Variants in DLD observed in about 807,000 individuals in gnomAD.
DLD encodes dihydrolipoyl dehydrogenase, mitochondrial.
In DLD, 36 loss-of-function variants were observed where a neutral mutation model predicts 62.2. The observed-to-expected ratio is 0.58, with a 90% confidence interval of 0.44 to 0.76. The LOEUF (loss-of-function observed/expected upper bound fraction) is 0.76, where lower values mean the gene tolerates loss of function less well. Among genes scored for constraint, DLD ranks in the 30% least tolerant of loss-of-function variants. DLD has a pLI of 0.00. For synonymous variants in DLD, 204 were observed against 199.6 expected (o/e 1.02, Z -0.19); for missense variants, 541 against 608.6 (o/e 0.89, Z 1.17).
intron 8 of DLD, among the ~76,000 whole-genome samples, chr7:107,912,363 T>C (rs2032164498): frequency 6.6e-6 from 1 of 152,162 alleles, no homozygotes; most frequent in African/African-American, 2.4e-5. Flanking sequence ...AATTGCTGGC[T>C]CATATTGTAG....
rs1457188385 is a variant in DLD at position 107,915,657 on chromosome 7, C to G, written c.836C>G (p.Thr279Ser). Residue 279 changes from threonine to serine, a missense_variant, in exon 9 of 14, where the codon ACT (threonine) becomes AGT (serine). Thr to Ser is a moderately conservative substitution (Grantham distance 58, BLOSUM62 1). Coordinates refer to ENST00000205402, the MANE Select transcript of DLD (RefSeq NM_000108.5). ...GFKFKLNTKV[T>S]GATKKSDGKI... ...AAATTTAAATTGAATACAAAGGTTA[C>G]TGGTGCTACCAAGAAGTCAGATGGA... 1 of 1,613,684 alleles carries G rather than the reference C, an allele frequency of 6.2e-7. No individual in the cohort carries two copies. Among genetic ancestry groups the G allele is most frequent in the South Asian group, 1.1e-5 (1 of 91,082 alleles).
intron 8 of DLD, among the ~76,000 whole-genome samples, chr7:107,913,719 T>G (rs138962753): frequency 6.6e-5 from 10 of 152,264 alleles, no homozygotes; most frequent in African/African-American, 2.4e-4. Context: ...GAATGCCCTT[T>G]GTTTCTTTCT....
intron 5 of DLD, 50 bp downstream of exon 5, chr7:107,903,597 C>T: frequency 9.0e-7 from 1 of 1,115,416 alleles, no homozygotes; most frequent in Non-Finnish European, 1.4e-6. Context: ...CTTGACTTGG[C>T]TCTTCTGTCT....
In DLD at chr7:107,917,373, C is replaced by G; in HGVS notation, c.1147C>G (p.His383Asp). ...TGAAGGAATGGCTGGTGGTGCTGTG[C>G]ACATTGACTACAATTGTGTGCCATC... ...CVEGMAGGAV[H>D]IDYNCVPSVI... Residue 383 changes from histidine (H) to aspartate (D), a missense_variant, in exon 11 of 14, where the codon CAC becomes GAC. His to Asp is a moderately conservative substitution (Grantham distance 81). Coordinates refer to ENST00000205402, the MANE Select transcript of DLD (RefSeq NM_000108.5). The G allele has an allele frequency of 6.2e-7, 1 of 1,614,104 alleles. No homozygotes were observed. Among genetic ancestry groups the G allele is most frequent in the South Asian group, 1.1e-5 (1 of 91,086 alleles).
intron 2 of DLD, among the ~76,000 whole-genome samples, chr7:107,901,152 T>C (rs2116203686): frequency 6.6e-6 from 1 of 152,292 alleles, no homozygotes; most frequent in South Asian, 2.1e-4. Context: ...AGCTGTTTTT[T>C]CCCTCATATT....
intron 2 of DLD, among the ~76,000 whole-genome samples, chr7:107,901,322 C>T (rs548486005): frequency 6.6e-6 from 1 of 152,280 alleles, no homozygotes; most frequent in Non-Finnish European, 1.5e-5. Flanking sequence ...CAAGTTCATA[C>T]AACTACTCAT....
chr7:107,909,062 ACTT>A (rs755413529), intron 8 of DLD, among the ~76,000 whole-genome samples: 101 of 152,328 alleles, frequency 6.6e-4, no homozygotes, highest in African/African-American at 8.4e-4. Flanking sequence ...TGCATAGTAT[ACTT>A]CTTGTAATGT....
At chr7:107,909,557 A>C (rs1036868080) in intron 8 of DLD, among the ~76,000 whole-genome samples, 4 of 152,232 alleles carry the variant, frequency 2.6e-5, no homozygotes, top group Non-Finnish European at 4.4e-5. Flanking sequence ...CCTTGCTGAT[A>C]TCAAAATATA....
chr7:107,915,757 G>C, intron 9 of DLD, 61 bp downstream of exon 9: 1 of 1,483,996 alleles, frequency 6.7e-7, no homozygotes, highest in Non-Finnish European at 9.3e-7. Context: ...AAACACTCAA[G>C]TTTCAAAATC....
At position 107,902,306 on chromosome 7, in the gene DLD, A is replaced by T. The variant is rs2031895504; in HGVS notation, c.199-19A>T. 6.2e-7 allele frequency: 1 copy of T among 1,607,802 alleles called. No homozygotes were observed. Among genetic ancestry groups the T allele is most frequent in the African/African-American group, 1.3e-5 (1 of 74,788 alleles). ...CATTGAGGTTATGTGCAGTTAAATA[A>T]TGTTTTCTTTGGTTGTAGACAGTCT... is the stretch of plus-strand genomic sequence containing the variant. On this transcript the variant is annotated intron_variant, in intron 3 of 13. Coordinates refer to ENST00000205402, the MANE Select transcript of DLD (RefSeq NM_000108.5).
chr7:107,914,808 A>G (rs1209323878), intron 8 of DLD, among the ~76,000 whole-genome samples: 2 of 152,212 alleles, frequency 1.3e-5, no homozygotes, highest in African/African-American at 4.8e-5. Flanking sequence ...ATTATTTAGA[A>G]GTTATACTAA....
Position 107,920,509 on chromosome 7 carries a change from T to C in DLD, c.*1250T>C, listed in dbSNP as rs1490493808. 1 of 152,252 alleles carries C rather than the reference T, an allele frequency of 6.6e-6. No individual in the cohort carries two copies. Among genetic ancestry groups the C allele is most frequent in the East Asian group, 1.9e-4 (1 of 5,186 alleles). 9.4% of individuals were successfully genotyped at this position (152,252 alleles called of 1,614,324 possible). On this transcript the variant is annotated 3_prime_UTR_variant, in exon 14 of 14. Coordinates refer to ENST00000205402, the MANE Select transcript of DLD (RefSeq NM_000108.5). ...CTGAACACCAACTCCACACTCTGTCTTGTTTGTAGGTGGCAGCAGCTGAAA... is the reference window on the plus strand; with the variant it reads ...CTGAACACCAACTCCACACTCTGTCCTGTTTGTAGGTGGCAGCAGCTGAAA...
At position 107,905,500 on chromosome 7, in the gene DLD, T is replaced by A. The variant is rs1184463475; in HGVS notation, c.578T>A (p.Ile193Asn). The change falls in exon 7 of 14, where the codon ATC becomes AAC. Residue 193 changes from isoleucine (I) to asparagine (N), a missense_variant. Coordinates refer to ENST00000205402, the MANE Select transcript of DLD (RefSeq NM_000108.5). ...TCAGAAGTTACTCCTTTTCCTGGAATCACGGTATTTATGCTTCATAATTTA... is the reference window on the plus strand; with the variant it reads ...TCAGAAGTTACTCCTTTTCCTGGAAACACGGTATTTATGCTTCATAATTTA... The part of the protein sequence containing the change: ...TGSEVTPFPG[I>N]TIDEDTIVSS... The A allele has an allele frequency of 6.2e-7, 1 of 1,613,742 alleles. No homozygotes were observed. Among genetic ancestry groups the A allele is most frequent in the Non-Finnish European group, 8.5e-7 (1 of 1,179,670 alleles).
At chr7:107,913,037 A>G (rs2032182692) in intron 8 of DLD, among the ~76,000 whole-genome samples, 1 of 152,168 alleles carries the variant, frequency 6.6e-6, no homozygotes, top group African/African-American at 2.4e-5. Context: ...TTTTCCCAGC[A>G]CCATTTATCG....
chr7:107,919,505 A>G lies in DLD; in HGVS notation c.*246A>G, dbSNP rs573891129. 2.7e-6 allele frequency: 1 copy of G among 371,268 alleles called. No homozygotes were observed. The highest frequency in any genetic ancestry group is 4.3e-5 in the Admixed American group (1 of 23,274). The allele number at this position is 371,268 out of a possible 1,614,324, so 23.0% of individuals were successfully genotyped here. ...GCTACTTATTGTAGCATCCTGGAAT[A>G]TCTCCGTCAACTCATATTTTCATGC... On this transcript the variant is annotated 3_prime_UTR_variant, in exon 14 of 14. Transcript: ENST00000205402.
intron 2 of DLD, among the ~76,000 whole-genome samples, chr7:107,895,776 C>A (rs994226530): frequency 1.3e-5 from 2 of 152,118 alleles, no homozygotes. Context: ...ATGTTGATAG[C>A]TAAAAAGGTT....
At chr7:107,898,089 C>G (rs73726761) in intron 2 of DLD, among the ~76,000 whole-genome samples, 1,731 of 151,948 alleles carry the variant, frequency 0.011, 32 homozygotes, top group African/African-American at 0.04. Flanking sequence ...TTATTGTACT[C>G]CAGTATTTTT....
At position 107,891,233 on chromosome 7, in the gene DLD, G is replaced by A. The variant is rs931353188; in HGVS notation, c.-18G>A. On this transcript the variant is annotated 5_prime_UTR_variant, in exon 1 of 14. Coordinates refer to ENST00000205402, the MANE Select transcript of DLD (RefSeq NM_000108.5). ...GCGGAGGTGAAAGTATTGGCGGAAA[G>A]GAAAATACAGCGGAAAAATGCAGAG... is the stretch of plus-strand genomic sequence containing the variant. The A allele has an allele frequency of 1.2e-6, 2 of 1,614,116 alleles. No individual in the cohort carries two copies. The highest frequency in any genetic ancestry group is 1.7e-6 in the Non-Finnish European group (2 of 1,179,938).
At position 107,891,227 on chromosome 7, in the gene DLD, C is replaced by T. The variant is rs779032574; in HGVS notation, c.-24C>T. 3.7e-6 allele frequency: 6 copies of T among 1,613,818 alleles called. No individual in the cohort carries two copies. In the East Asian group the frequency reaches 6.7e-5, roughly 18 times the overall value. On this transcript the variant is annotated 5_prime_UTR_variant, in exon 1 of 14. Transcript: ENST00000205402. ...CGCCCAGCGGAGGTGAAAGTATTGG[C>T]GGAAAGGAAAATACAGCGGAAAAAT...
Sources: allele counts gnomAD v4.1 joint callset (sites outside exome capture counted in the v4.1 genomes callset), GRCh38; gene constraint gnomAD v4.1.1; transcripts MANE v1.5; gene names NCBI Gene and HGNC (gene_info 2026-07-23, HGNC 2026-07-21).